The following NUAK1 variants were observed in gnomAD, a reference collection of about 807,000 sequenced individuals.
The protein encoded by NUAK1 is NUAK family kinase 1.
In NUAK1, 26 loss-of-function variants were observed where a neutral mutation model predicts 56.9. That is an observed-to-expected ratio of 0.46 (90% CI 0.33 to 0.63). The LOEUF is 0.63. Among genes scored for constraint, NUAK1 ranks in the 30% least tolerant of loss-of-function variants. The pLI is 0.02. For missense variants in NUAK1, 727 were observed against 876.1 expected (o/e 0.83, Z 2.15); for synonymous variants, 337 against 336.0 (o/e 1.00, Z -0.03).
In NUAK1 at chr12:106,133,730, T is replaced by C. The variant is rs552334866; in HGVS notation, c.240+4684A>G. Among the ~76,000 whole-genome samples the C allele has an allele frequency of 2.6e-5, 4 of 152,304 alleles. No homozygotes were observed. In the East Asian group the frequency reaches 7.7e-4, roughly 29 times the overall value. ...AATAATGGTAGCAGTAGAAATATGA[T>C]TCTGTCCAGGATCAAACTCACTTTC... On this transcript the variant is annotated intron_variant, in intron 1 of 6. Coordinates refer to ENST00000261402, the MANE Select transcript of NUAK1 (RefSeq NM_014840.3).
At chr12:106,101,292 G>C (rs186656727) in intron 2 of NUAK1, among the ~76,000 whole-genome samples, 1 of 152,338 alleles carries the variant, frequency 6.6e-6, no homozygotes, top group Non-Finnish European at 1.5e-5. Flanking sequence ...GGGACCAGGA[G>C]ACCCATATGT....
chr12:106,072,738 A>C lies in NUAK1; in HGVS notation c.685T>G (p.Tyr229Asp). ...ASPEIVNGRP[Y>D]RGPEVDSWAL... ...AAGCTGCTCACCTCTGGCCCTCGGT[A>C]AGGTCTCCCATTGACAATCTCAGGA... Residue 229 changes from tyrosine to aspartate, a missense_variant, in exon 5 of 7, where the codon TAC becomes GAC. Physicochemically the swap from Tyr to Asp is radical, Grantham distance 160. Transcript: ENST00000261402. The C allele has an allele frequency of 6.2e-7, 1 of 1,613,762 alleles. No individual in the cohort carries two copies. Among genetic ancestry groups the C allele is most frequent in the Non-Finnish European group, 8.5e-7 (1 of 1,179,868 alleles).
chr12:106,130,064 C>T (rs529107610), intron 1 of NUAK1, among the ~76,000 whole-genome samples: 1 of 152,230 alleles, frequency 6.6e-6, no homozygotes, highest in Non-Finnish European at 1.5e-5. Context: ...TCACTGCAAC[C>T]TCCGCCTCAC....
At chr12:106,106,558 G>C (rs2032803699) in intron 1 of NUAK1, 33 bp from the exon 2 acceptor site, 2 of 1,587,560 alleles carry the variant, frequency 1.3e-6, no homozygotes, top group South Asian at 2.3e-5. Context: ...GTTATTCAGA[G>C]AGCTAAACAG....
At chr12:106,122,156 T>C (rs929801962) in intron 1 of NUAK1, among the ~76,000 whole-genome samples, 6 of 152,076 alleles carry the variant, frequency 3.9e-5, no homozygotes, top group African/African-American at 7.2e-5. Flanking sequence ...GGGTGGATAT[T>C]TGTAGACCAA....
chr12:106,097,057 A>C (rs1051167941), intron 2 of NUAK1, among the ~76,000 whole-genome samples: 2 of 152,222 alleles, frequency 1.3e-5, no homozygotes, highest in African/African-American at 4.8e-5. Context: ...TCACATCAGG[A>C]ATAATCAATT....
chr12:106,075,551 T>C (rs2032455491), intron 4 of NUAK1, among the ~76,000 whole-genome samples: 1 of 152,128 alleles, frequency 6.6e-6, no homozygotes, highest in Non-Finnish European at 1.5e-5. Flanking sequence ...GTAAAGTCCT[T>C]ACAACAGTAA....
intron 2 of NUAK1, among the ~76,000 whole-genome samples, chr12:106,090,999 C>A (rs576631474): frequency 1.3e-5 from 2 of 152,170 alleles, no homozygotes; most frequent in Non-Finnish European, 2.9e-5. Flanking sequence ...AGCTTCCACA[C>A]CCTTGGCCCA....
chr12:106,095,412 A>G (rs2468198), intron 2 of NUAK1, among the ~76,000 whole-genome samples: 78,989 of 151,996 alleles, frequency 0.52, 20,971 homozygotes, highest in African/African-American at 0.66. Context: ...TCATCTCACC[A>G]TCACCACCTC....
At chr12:106,098,536 T>A (rs1487933226) in intron 2 of NUAK1, among the ~76,000 whole-genome samples, 1 of 152,116 alleles carries the variant, frequency 6.6e-6, no homozygotes, top group Non-Finnish European at 1.5e-5. Flanking sequence ...GGAGAAGTGA[T>A]GAAAGGGTTG....
intron 4 of NUAK1, among the ~76,000 whole-genome samples, chr12:106,074,465 G>A (rs2032440878): frequency 6.6e-6 from 1 of 152,128 alleles, no homozygotes; most frequent in Non-Finnish European, 1.5e-5. Context: ...AGGAAATTGA[G>A]GTTTAAGGAG....
Position 106,106,391 on chromosome 12 carries a change from A to C in NUAK1, c.361+14T>G, listed in dbSNP as rs2136471901. ...TAACTGATATGGGGGTTAAAAAAAA[A>C]AAAAATCACTGACCTTCATAAATAC... On this transcript the variant is annotated intron_variant, in intron 2 of 6. Coordinates refer to ENST00000261402, the MANE Select transcript of NUAK1 (RefSeq NM_014840.3). 3 of 1,596,126 alleles carry C rather than the reference A, an allele frequency of 1.9e-6. No homozygotes were observed. The highest frequency in any genetic ancestry group is 1.7e-4 in the Middle Eastern group (1 of 6,004).
intron 1 of NUAK1, among the ~76,000 whole-genome samples, chr12:106,110,101 G>T (rs1025316052): frequency 1.3e-5 from 2 of 152,160 alleles, no homozygotes; most frequent in Middle Eastern, 3.4e-3. Context: ...TTATCAGCAG[G>T]GCTCCTGAGT....
At chr12:106,085,774 A>G (rs2032564227) in intron 3 of NUAK1, among the ~76,000 whole-genome samples, 1 of 152,172 alleles carries the variant, frequency 6.6e-6, no homozygotes, top group Admixed American at 6.5e-5. Context: ...TGGCACCATC[A>G]TAGCTCACTA....
intron 4 of NUAK1, among the ~76,000 whole-genome samples, chr12:106,079,141 T>C (rs1205779091): frequency 6.6e-6 from 1 of 152,180 alleles, no homozygotes; most frequent in African/African-American, 2.4e-5. Context: ...AATGATGTAA[T>C]CACACCCACC....
intron 1 of NUAK1, among the ~76,000 whole-genome samples, chr12:106,109,731 T>C (rs1034980986): frequency 2.0e-5 from 3 of 152,118 alleles, no homozygotes; most frequent in Non-Finnish European, 4.4e-5. Flanking sequence ...GCAGGTTACA[T>C]AACCTCTCTG....
chr12:106,131,326 C>T (rs113761466), intron 1 of NUAK1, among the ~76,000 whole-genome samples: 4 of 152,294 alleles, frequency 2.6e-5, no homozygotes, highest in African/African-American at 9.6e-5. Flanking sequence ...AAACTCCACA[C>T]CCATTAGCAG....
chr12:106,129,140 G>C (rs1483195971), intron 1 of NUAK1, among the ~76,000 whole-genome samples: 1 of 152,200 alleles, frequency 6.6e-6, no homozygotes, highest in Non-Finnish European at 1.5e-5. Flanking sequence ...CAGCCTCCAA[G>C]AGTGGGAAAT....
In NUAK1 at chr12:106,074,908, G is replaced by A. The variant is rs754495791; in HGVS notation, c.580-2065C>T. The stretch of plus-strand genomic sequence containing the variant: ...ATCAAGGCCCCTGACTTGCTTGCAG[G>A]AAGTTGGTTGGAAGCTTTATGAAGT... On this transcript the variant is annotated intron_variant, in intron 4 of 6. Transcript: ENST00000261402. Among the ~76,000 whole-genome samples, 36 of 152,320 alleles carry A rather than the reference G, an allele frequency of 2.4e-4. 1 individual carries two copies. The highest frequency in any genetic ancestry group is 7.8e-4 in the Admixed American group (12 of 15,302).
Sources: gnomAD v4.1 joint callset for allele counts (sites outside exome capture counted in the v4.1 genomes callset) on GRCh38, gnomAD v4.1.1 for gene constraint, MANE v1.5 for transcripts, NCBI Gene and HGNC (gene_info 2026-07-23, HGNC 2026-07-21) for gene names.